The following STAG1 variants were observed in gnomAD, a reference collection of about 807,000 sequenced individuals.
The protein encoded by STAG1 is STAG1 cohesin complex component.
Under a neutral mutation model 170.9 loss-of-function variants are expected in STAG1, and 26 were observed. The ratio of observed to expected loss-of-function variants is 0.15; its 90% CI spans 0.11 to 0.21. The LOEUF (loss-of-function observed/expected upper bound fraction) is 0.21. Among genes scored for constraint, STAG1 ranks in the 10% least tolerant of loss-of-function variants. The pLI is 1.00. For synonymous variants in STAG1, 514 were observed against 497.7 expected, an observed-to-expected ratio of 1.03 and a Z score of -0.44; for missense variants, 964 against 1,509.5, an observed-to-expected ratio of 0.64 and a Z score of 5.99.
chr3:136,401,903 CCTGA>C (rs972735803), intron 21 of STAG1, among the ~76,000 whole-genome samples: 17 of 152,140 alleles, frequency 1.1e-4, no homozygotes, highest in South Asian at 4.2e-4. Context: ...TGCCACCACG[CCTGA>C]CTAATTTTTG....
chr3:136,568,459 T>C (rs1442220901), intron 5 of STAG1, among the ~76,000 whole-genome samples: 1 of 152,062 alleles, frequency 6.6e-6, no homozygotes, highest in East Asian at 1.9e-4. Flanking sequence ...ATACAAATAA[T>C]ATGAGTAAAA....
rs368281644 is a variant in STAG1 at position 136,705,579 on chromosome 3, T to C, written c.-84+46616A>G. Among the ~76,000 whole-genome samples, 13 of 152,320 alleles carry C rather than the reference T, an allele frequency of 8.5e-5. No homozygotes were observed. The East Asian group carries it at 2.5e-3, about 29-fold the overall frequency. On this transcript the variant is annotated intron_variant, in intron 1 of 33. Transcript: ENST00000383202. ...GGTAATTGAATCATGGGGGTGGGTCTTTCCCATGCTGTTCTCGTGATAATG... is the reference window on the plus strand; with the variant it reads ...GGTAATTGAATCATGGGGGTGGGTCCTTCCCATGCTGTTCTCGTGATAATG...
chr3:136,627,957 G>A (rs1559918172), intron 2 of STAG1, among the ~76,000 whole-genome samples: 1 of 151,958 alleles, frequency 6.6e-6, no homozygotes. Context: ...ATACTATACT[G>A]CACCAAGTAA....
At chr3:136,650,049 G>A (rs571569078) in intron 1 of STAG1, among the ~76,000 whole-genome samples, 1 of 152,170 alleles carries the variant, frequency 6.6e-6, no homozygotes, top group African/African-American at 2.4e-5. Context: ...TTACAGGCGT[G>A]AGCCATCACG....
intron 22 of STAG1, among the ~76,000 whole-genome samples, chr3:136,389,462 T>G (rs2086952435): frequency 6.6e-6 from 1 of 151,990 alleles, no homozygotes; most frequent in African/African-American, 2.4e-5. Context: ...TTGGCTAATT[T>G]TTTTGTATTT....
intron 1 of STAG1, among the ~76,000 whole-genome samples, chr3:136,751,631 G>C (rs1935245705): frequency 6.6e-6 from 1 of 152,084 alleles, no homozygotes; most frequent in Non-Finnish European, 1.5e-5. Context: ...AGAAGCCTGG[G>C]CCAGCCGCCC....
chr3:136,568,893 C>A, intron 4 of STAG1, 32 bp from the exon 5 acceptor site: 1 of 1,516,888 alleles, frequency 6.6e-7, no homozygotes, highest in East Asian at 2.3e-5. Context: ...ATGAAAACTT[C>A]AAAAAAATTT....
At chr3:136,521,517 G>T in intron 6 of STAG1, 100 bp from the exon 7 acceptor site, 1 of 978,280 alleles carries the variant, frequency 1.0e-6, no homozygotes, top group Non-Finnish European at 1.5e-6. Flanking sequence ...TTTTTGCAAA[G>T]CAGTTATAGA....
chr3:136,425,357 G>T (rs971678188), intron 16 of STAG1, among the ~76,000 whole-genome samples: 1 of 152,114 alleles, frequency 6.6e-6, no homozygotes, highest in African/African-American at 2.4e-5. Flanking sequence ...AGATTGGGGG[G>T]TGAGTGGGTG....
At chr3:136,584,376 G>C (rs968453286) in intron 4 of STAG1, among the ~76,000 whole-genome samples, 2 of 152,142 alleles carry the variant, frequency 1.3e-5, no homozygotes, top group Admixed American at 1.3e-4. Flanking sequence ...TACTTTTTAG[G>C]TACTTTATGA....
intron 11 of STAG1, 23 bp from the exon 12 acceptor site, chr3:136,472,515 CA>C: frequency 6.4e-7 from 1 of 1,553,628 alleles, no homozygotes; most frequent in Non-Finnish European, 8.9e-7. Context: ...AGTTGTAAAA[CA>C]AACCAACTAT....
chr3:136,719,734 A>G (rs1016438738), intron 1 of STAG1, among the ~76,000 whole-genome samples: 1 of 151,480 alleles, frequency 6.6e-6, no homozygotes, highest in East Asian at 1.9e-4. Context: ...AACTTGCTCC[A>G]AAGTTTCAGC....
chr3:136,424,761 T>C (rs1027058648), intron 16 of STAG1, among the ~76,000 whole-genome samples: 2 of 152,180 alleles, frequency 1.3e-5, no homozygotes, highest in Non-Finnish European at 2.9e-5. Context: ...CAAAATTGTA[T>C]ATATATTTTT....
chr3:136,375,081 T>C (rs1173453863), intron 23 of STAG1, among the ~76,000 whole-genome samples: 1 of 152,194 alleles, frequency 6.6e-6, no homozygotes, highest in African/African-American at 2.4e-5. Context: ...GCAATACCAT[T>C]TGTTTGTGTA....
In STAG1 at chr3:136,639,186, A is replaced by G. The variant is rs1264142115; in HGVS notation, c.-83-8205T>C. Among the ~76,000 whole-genome samples, 4 of 63,118 alleles carry G rather than the reference A, an allele frequency of 6.3e-5. No homozygotes were observed. The East Asian group carries it at 8.3e-4, about 13-fold the overall frequency. 41.4% of individuals were successfully genotyped at this position (63,118 alleles called of 152,430 possible). A position where few individuals can be genotyped will look rare whatever the true frequency, so the allele number is the denominator to read the frequency against. On this transcript the variant is annotated intron_variant, in intron 1 of 33. Coordinates refer to ENST00000383202, the MANE Select transcript of STAG1 (RefSeq NM_005862.3). ...CTCCCATCTCAAAAAAAGAAAAAAG[A>G]AAAGAAAAAAAAAAGGCCTTGGAGT... is the stretch of plus-strand genomic sequence containing the variant.
intron 21 of STAG1, among the ~76,000 whole-genome samples, chr3:136,415,841 A>C (rs2087756290): frequency 6.6e-6 from 1 of 152,144 alleles, no homozygotes; most frequent in African/African-American, 2.4e-5. Flanking sequence ...AACAAAAAAG[A>C]AGTGGTTAAA....
At chr3:136,520,680 T>A (rs556926108) in intron 7 of STAG1, among the ~76,000 whole-genome samples, 3 of 152,240 alleles carry the variant, frequency 2.0e-5, no homozygotes, top group Non-Finnish European at 4.4e-5. Flanking sequence ...GTTCTTCAAA[T>A]TATCTACAGC....
At chr3:136,350,955 G>T (rs1936412796) in intron 28 of STAG1, among the ~76,000 whole-genome samples, 1 of 152,098 alleles carries the variant, frequency 6.6e-6, no homozygotes, top group African/African-American at 2.4e-5. Context: ...AACCTTCCTG[G>T]AGTCATAGTC....
intron 1 of STAG1, among the ~76,000 whole-genome samples, chr3:136,727,576 G>A (rs941737728): frequency 2.0e-5 from 3 of 152,148 alleles, no homozygotes; most frequent in Non-Finnish European, 2.9e-5. Context: ...CACCAGGTTG[G>A]CCTGAATATA....
Sources: allele counts gnomAD v4.1 joint callset (sites outside exome capture counted in the v4.1 genomes callset), GRCh38; gene constraint gnomAD v4.1.1; transcripts MANE v1.5; gene names NCBI Gene and HGNC (gene_info 2026-07-23, HGNC 2026-07-21).